Variants in UGT1A4 observed in about 807,000 individuals in gnomAD.
The protein encoded by UGT1A4 is UDP glucuronosyltransferase family 1 member A4, also known as UDP-glucuronosyltransferase 1A4.
A neutral mutation model predicts 41.1 loss-of-function variants in UGT1A4; 32 were observed. The observed-to-expected ratio is 0.78, with a 90% CI of 0.59 to 1.05. UGT1A4 has a LOEUF of 1.05. UGT1A4 is among the 50% of genes least tolerant of loss of function. The pLI is 0.00. For synonymous variants in UGT1A4, 283 were observed against 265.1 expected (o/e 1.07, Z -0.66); for missense variants, 748 against 677.4 (o/e 1.10, Z -1.16).
rs1182689801 is a variant in UGT1A4, at chr2:233,724,261, G to A, written c.867+4574G>A. Among the ~76,000 whole-genome samples, 54 of 98,670 alleles carry A rather than the reference G, an allele frequency of 5.5e-4. 1 individual carries two copies. The highest frequency in any genetic ancestry group is 1.1e-3 in the East Asian group (3 of 2,618). The allele number at this position is 98,670 out of a possible 152,430, so 64.7% of individuals were successfully genotyped here. Reference sequence around the variant, plus strand: ...CGGGCAGAGGCGCCCCTCACCTCCCGGACGGGGCGGCTGGCCGGGCGGGGG... The same window carrying A: ...CGGGCAGAGGCGCCCCTCACCTCCCAGACGGGGCGGCTGGCCGGGCGGGGG... On this transcript the variant is annotated intron_variant, in intron 1 of 4. Coordinates refer to ENST00000373409, the MANE Select transcript of UGT1A4 (RefSeq NM_007120.3).
At chr2:233,761,199 A>C in intron 1 of UGT1A4, 1 of 1,614,054 alleles carries the variant, frequency 6.2e-7, no homozygotes, top group Non-Finnish European at 8.5e-7. Flanking sequence ...TTTCAGATGT[A>C]TTACTTTGGA....
At chr2:233,743,983 G>C in intron 1 of UGT1A4, 2 of 1,288,226 alleles carry the variant, frequency 1.6e-6, no homozygotes, top group Middle Eastern at 2.3e-4. Flanking sequence ...GCACCCAGGC[G>C]CAGGCCCGAG....
In UGT1A4 at chr2:233,722,859, T is replaced by TC. The variant is rs2077044363; in HGVS notation, c.867+3172_867+3173insC. Among the ~76,000 whole-genome samples, 2 of 128,126 alleles carry TC rather than the reference T, an allele frequency of 1.6e-5. 1 individual carries two copies. The highest frequency in any genetic ancestry group is 5.9e-5 in the African/African-American group (2 of 33,684). The allele number at this position is 128,126 out of a possible 152,430, so 84.1% of individuals were successfully genotyped here. A position where few individuals can be genotyped will look rare whatever the true frequency, so the allele number is the denominator to read the frequency against. On this transcript the variant is annotated intron_variant, in intron 1 of 4. Transcript: ENST00000373409. The stretch of plus-strand genomic sequence containing the variant: ...TAAGAATGTTTCTTTTTTTTTTTTT[T>TC]GAAGGAAAAAATAAATTTATTGCTC...
rs552495015 is a variant in UGT1A4 at position 233,755,020 on chromosome 2, T to C, written c.868-12014T>C. On this transcript the variant is annotated intron_variant, in intron 1 of 4. Transcript: ENST00000373409. Reference sequence around the variant, plus strand: ...CTGAAGACCTACTCGAAGGGGTCCTTGAAGGGCCTGCCGCCTGCGCAGCCG... The same window carrying C: ...CTGAAGACCTACTCGAAGGGGTCCTCGAAGGGCCTGCCGCCTGCGCAGCCG... 4.2e-4 allele frequency: 552 copies of C among 1,304,914 alleles called. 2 individuals carry two copies. In the African/African-American group the frequency reaches 6.3e-3, roughly 15 times the overall value. 80.8% of individuals were successfully genotyped at this position (1,304,914 alleles called of 1,614,324 possible). A position where few individuals can be genotyped will look rare whatever the true frequency, so the allele number is the denominator to read the frequency against.
intron 1 of UGT1A4, among the ~76,000 whole-genome samples, chr2:233,726,869 C>T (rs1231385710): frequency 3.3e-5 from 5 of 152,180 alleles, no homozygotes; most frequent in African/African-American, 9.7e-5. Flanking sequence ...CTTCTATTCT[C>T]CAGGCTTCAG....
At chr2:233,747,400 C>T in intron 1 of UGT1A4, 1 of 1,606,978 alleles carries the variant, frequency 6.2e-7, no homozygotes, top group East Asian at 2.2e-5. Flanking sequence ...GTCCTCACCC[C>T]AGAGGTGAAT....
chr2:233,743,663 T>C, intron 1 of UGT1A4: 1 of 1,366,972 alleles, frequency 7.3e-7, no homozygotes, highest in Non-Finnish European at 9.8e-7. Flanking sequence ...CTCGAAGGGG[T>C]CCTCGAAGGG....
chr2:233,760,923 C>G, intron 1 of UGT1A4: 1 of 1,614,214 alleles, frequency 6.2e-7, no homozygotes, highest in Non-Finnish European at 8.5e-7. Flanking sequence ...GGGTGAAGAA[C>G]ATGCTCATTG....
chr2:233,729,694 C>A (rs1447462481), intron 1 of UGT1A4: 7 of 1,613,908 alleles, frequency 4.3e-6, no homozygotes, highest in Non-Finnish European at 5.9e-6. Flanking sequence ...GTGTCCAAAC[C>A]CTTCCTCCTA....
At chr2:233,754,937 G>A in intron 1 of UGT1A4, 1 of 1,338,066 alleles carries the variant, frequency 7.5e-7, no homozygotes, top group Non-Finnish European at 1.0e-6. Flanking sequence ...AGAGGTCAAA[G>A]GAGAATGGGT....
At chr2:233,755,411 C>G (rs1182147250) in intron 1 of UGT1A4, 4 of 330,942 alleles carry the variant, frequency 1.2e-5, no homozygotes, top group South Asian at 7.6e-5. Flanking sequence ...TTGGCCGAGG[C>G]CTGTGAGCGC....
At position 233,719,215 on chromosome 2, in the gene UGT1A4, T is replaced by C. The variant is rs72551337; in HGVS notation, c.395T>C (p.Leu132Pro). ...LALHRCCVEL[L>P]HNEALIRHLN... is the part of the protein sequence containing the mutation. ...CTTCATAGGTGTTGTGTGGAGCTAC[T>C]GCATAATGAGGCCCTGATCAGGCAC... Residue 132 changes from leucine (L) to proline (P), a missense_variant, in exon 1 of 5, where the codon CTG becomes CCG. Leu to Pro is a moderately conservative substitution (Grantham distance 98). Coordinates refer to ENST00000373409, the MANE Select transcript of UGT1A4 (RefSeq NM_007120.3). The C allele has an allele frequency of 1.5e-5, 25 of 1,614,228 alleles. No individual in the cohort carries two copies. In the East Asian group the frequency reaches 2.9e-4, roughly 19 times the overall value.
Position 233,741,236 on chromosome 2 carries a change from A to C in UGT1A4, c.867+21549A>C, listed in dbSNP as rs1691598221. ...AGTTGTTACAGACCCACTACCTCTG[A>C]GTGACACTGGTATGCCACTCTTTGC... On this transcript the variant is annotated intron_variant, in intron 1 of 4. Coordinates refer to ENST00000373409, the MANE Select transcript of UGT1A4 (RefSeq NM_007120.3). 1.3e-5 allele frequency among the ~76,000 whole-genome samples: 2 copies of C among 151,870 alleles called. 1 individual carries two copies. The highest frequency in any genetic ancestry group is 4.9e-5 in the African/African-American group (2 of 41,122).
chr2:233,742,937 T>C (rs1692142343), intron 1 of UGT1A4: 1 of 214,468 alleles, frequency 4.7e-6, no homozygotes, highest in African/African-American at 2.4e-5. Context: ...CATTCTGTCC[T>C]ACCACTAGCA....
At chr2:233,766,900 T>A (rs1336240432) in intron 1 of UGT1A4, 134 bp from the exon 2 acceptor site, 2 of 1,488,982 alleles carry the variant, frequency 1.3e-6, no homozygotes, top group Admixed American at 4.8e-5. Flanking sequence ...ATATTAATAA[T>A]TTTTTACTCT....
chr2:233,748,133 A>G (rs1199962839), intron 1 of UGT1A4: 2 of 1,609,694 alleles, frequency 1.2e-6, no homozygotes, highest in Non-Finnish European at 1.7e-6. Context: ...AGTTTTTAAA[A>G]ATTGTATTTA....
At position 233,769,833 on chromosome 2, in the gene UGT1A4, G is replaced by A. The variant is rs567832844; in HGVS notation, c.1307+1394G>A. The A allele has an allele frequency of 4.3e-4, 293 of 685,174 alleles. No homozygotes were observed. The African/African-American group carries it at 5.2e-3, about 12-fold the overall frequency. The allele number at this position is 685,174 out of a possible 1,614,324, so 42.4% of individuals were successfully genotyped here. On this transcript the variant is annotated intron_variant, in intron 4 of 4. Coordinates refer to ENST00000373409, the MANE Select transcript of UGT1A4 (RefSeq NM_007120.3). The surrounding 1 kb of genome is among the most constrained non-coding windows in gnomAD (Gnocchi z 4.4). ...TCATGCCACTGCACTCCAGCAACCT[G>A]GGCAACAGAGTGAGACCCTGTCTCA...
chr2:233,763,185 T>A (rs137981544), intron 1 of UGT1A4, among the ~76,000 whole-genome samples: 97 of 152,380 alleles, frequency 6.4e-4, no homozygotes, highest in African/African-American at 2.1e-3. Flanking sequence ...ATATTTGTTG[T>A]TGCCTTGTTT....
chr2:233,720,341 A>G (rs1485102276), intron 1 of UGT1A4, among the ~76,000 whole-genome samples: 7 of 152,088 alleles, frequency 4.6e-5, no homozygotes, highest in Non-Finnish European at 1.0e-4. Flanking sequence ...TTTGGAAGGT[A>G]TGGTGATGGT....
Sources: allele counts gnomAD v4.1 joint callset (sites outside exome capture counted in the v4.1 genomes callset), GRCh38; gene constraint gnomAD v4.1.1; non-coding constraint Gnocchi (gnomAD v3.1); transcripts MANE v1.5; gene names NCBI Gene and HGNC (gene_info 2026-07-23, HGNC 2026-07-21).